SPHKAP: variants seen among roughly 807,000 people sequenced by gnomAD.
SPHKAP encodes SPHK1 interactor, AKAP domain containing.
Under a neutral mutation model 137.5 loss-of-function variants are expected in SPHKAP, and 67 were observed. The ratio of observed to expected loss-of-function variants is 0.49; its 90% CI spans 0.40 to 0.60. The LOEUF is 0.60. SPHKAP is among the 20% of genes least tolerant of loss of function. The pLI is 0.00. For synonymous variants in SPHKAP, 813 were observed against 785.3 expected, an observed-to-expected ratio of 1.04 and a Z score of -0.59; for missense variants, 2,097 against 2,069.3, an observed-to-expected ratio of 1.01 and a Z score of -0.26.
At chr2:228,090,535 T>C (rs1697692055) in intron 3 of SPHKAP, among the ~76,000 whole-genome samples, 1 of 152,156 alleles carries the variant, frequency 6.6e-6, no homozygotes, top group South Asian at 2.1e-4. Context: ...GTGAGAAGGA[T>C]ATGAGATTTT....
chr2:228,175,177 G>A (rs561112272), intron 1 of SPHKAP, among the ~76,000 whole-genome samples: 2 of 147,618 alleles, frequency 1.4e-5, no homozygotes, highest in South Asian at 2.2e-4. Flanking sequence ...ATTTTTTTTC[G>A]GAATTAATAA....
chr2:228,162,816 A>G (rs1348533055), intron 1 of SPHKAP, among the ~76,000 whole-genome samples: 1 of 152,170 alleles, frequency 6.6e-6, no homozygotes. Flanking sequence ...CTCCTGCCTC[A>G]GCCTCCCAAG....
chr2:227,990,860 T>C (rs1693386430), intron 11 of SPHKAP, 140 bp downstream of exon 11: 1 of 830,990 alleles, frequency 1.2e-6, no homozygotes, highest in South Asian at 1.8e-5. Context: ...AAGATTTCAA[T>C]GTTCTAGCCG....
chr2:228,046,631 A>G (rs1409350433), intron 3 of SPHKAP, among the ~76,000 whole-genome samples: 1 of 152,132 alleles, frequency 6.6e-6, no homozygotes, highest in Non-Finnish European at 1.5e-5. Flanking sequence ...TCATATTTCA[A>G]TGTTTCTGAC....
At chr2:228,076,609 G>T (rs1399116342) in intron 3 of SPHKAP, among the ~76,000 whole-genome samples, 1 of 152,152 alleles carries the variant, frequency 6.6e-6, no homozygotes, top group African/African-American at 2.4e-5. Flanking sequence ...TTGAACTTGA[G>T]GGAGATGATT....
At chr2:228,093,731 GCC>G (rs1470463818) in intron 3 of SPHKAP, among the ~76,000 whole-genome samples, 2 of 46,756 alleles carry the variant, frequency 4.3e-5, no homozygotes, top group South Asian at 9.4e-4. Flanking sequence ...GGTGGCGGGT[GCC>G]TGTAATCTCA....
chr2:228,129,185 A>T (rs1187974803), intron 2 of SPHKAP, among the ~76,000 whole-genome samples: 2 of 152,330 alleles, frequency 1.3e-5, no homozygotes, highest in Admixed American at 1.3e-4. Context: ...TATAATAATG[A>T]AAAGTTTGAA....
intron 2 of SPHKAP, among the ~76,000 whole-genome samples, chr2:228,124,133 A>G (rs879106251): frequency 2.0e-5 from 3 of 152,104 alleles, no homozygotes; most frequent in Non-Finnish European, 2.9e-5. Flanking sequence ...TACACTGTTG[A>G]TGGGACTGTC....
intron 3 of SPHKAP, among the ~76,000 whole-genome samples, chr2:228,102,284 T>C (rs1698204111): frequency 6.6e-6 from 1 of 152,166 alleles, no homozygotes; most frequent in Admixed American, 6.5e-5. Flanking sequence ...GTTTTTAAAT[T>C]ATGTTTATGT....
At chr2:228,148,862 C>A (rs1699852626) in intron 1 of SPHKAP, among the ~76,000 whole-genome samples, 1 of 152,164 alleles carries the variant, frequency 6.6e-6, no homozygotes, top group African/African-American at 2.4e-5. Context: ...AGGAAAGATG[C>A]AGATCTCACC....
intron 3 of SPHKAP, among the ~76,000 whole-genome samples, chr2:228,047,775 TGAAATC>T (rs1279271664): frequency 6.6e-6 from 1 of 152,136 alleles, no homozygotes; most frequent in African/African-American, 2.4e-5. Flanking sequence ...ATCTGAAACT[TGAAATC>T]AGACAGCTGT....
At chr2:228,171,434 A>T (rs1700581727) in intron 1 of SPHKAP, among the ~76,000 whole-genome samples, 1 of 152,162 alleles carries the variant, frequency 6.6e-6, no homozygotes, top group African/African-American at 2.4e-5. Flanking sequence ...AGCACTTGCT[A>T]TTTAAAAAGC....
intron 3 of SPHKAP, among the ~76,000 whole-genome samples, chr2:228,063,131 C>A (rs1449761994): frequency 6.7e-6 from 1 of 148,444 alleles, no homozygotes; most frequent in Non-Finnish European, 1.5e-5. Context: ...CTGCTGAAAG[C>A]ATAGATAGAT....
intron 3 of SPHKAP, among the ~76,000 whole-genome samples, chr2:228,036,776 C>A (rs923232331): frequency 1.3e-5 from 2 of 151,846 alleles, no homozygotes; most frequent in African/African-American, 4.8e-5. Context: ...CGAAAACTAT[C>A]GCAAGGACAA....
Position 228,019,537 on chromosome 2 carries a change from C to T in SPHKAP, c.1317G>A (p.Val439=). The change falls in exon 7 of 12, where the codon GTG becomes GTA. Residue 439 remains valine (V), a synonymous_variant. Transcript: ENST00000392056. ...LPSCYSTKDT[V]VSRSWNELPK... is the part of the protein sequence containing the mutation. ...GGAGCTCATTCCATGACCGAGAAAC[C>T]ACTGTATCTTTTGTGGAATAGCAAC... 1 of 1,614,188 alleles carries T rather than the reference C, an allele frequency of 6.2e-7. No homozygotes were observed. The highest frequency in any genetic ancestry group is 8.5e-7 in the Non-Finnish European group (1 of 1,180,038).
intron 9 of SPHKAP, chr2:227,991,560 T>C (rs564502414): frequency 2.0e-6 from 2 of 985,420 alleles, no homozygotes; most frequent in Non-Finnish European, 2.4e-6. Context: ...TAACTCAAGT[T>C]ACTTTAGTTA....
intron 1 of SPHKAP, among the ~76,000 whole-genome samples, chr2:228,162,962 G>T (rs114472673): frequency 1.5e-4 from 23 of 152,300 alleles, no homozygotes; most frequent in Admixed American, 7.2e-4. Context: ...GCCTCCCAAA[G>T]TGCTGTGATT....
intron 3 of SPHKAP, among the ~76,000 whole-genome samples, chr2:228,094,385 G>C (rs1433828789): frequency 1.3e-5 from 2 of 152,126 alleles, no homozygotes; most frequent in Admixed American, 1.3e-4. Context: ...ATCTTCTCAG[G>C]TTTATCATAG....
chr2:228,020,261 T>G, intron 6 of SPHKAP, 105 bp from the exon 7 acceptor site: 1 of 1,446,286 alleles, frequency 6.9e-7, no homozygotes, highest in Non-Finnish European at 9.2e-7. Context: ...TAAAGACACA[T>G]GCACACATAT....
Sources: gnomAD v4.1 joint callset for allele counts (sites outside exome capture counted in the v4.1 genomes callset) on GRCh38, gnomAD v4.1.1 for gene constraint, MANE v1.5 for transcripts, NCBI Gene and HGNC (gene_info 2026-07-23, HGNC 2026-07-21) for gene names.